The following LAMB4 variants were observed in gnomAD, a reference collection of about 807,000 sequenced individuals.
The protein encoded by LAMB4 is laminin subunit beta-4.
A neutral mutation model predicts 199.2 loss-of-function variants in LAMB4; 196 were observed. The ratio of observed to expected loss-of-function variants is 0.98; its 90% CI spans 0.88 to 1.11. LAMB4 has a LOEUF of 1.11. LAMB4 is among the 50% of genes least tolerant of loss of function. The probability of loss-of-function intolerance (pLI) is 0.00; values close to 1 mark genes in which losing one functional copy is unlikely to be tolerated. For synonymous variants in LAMB4, 744 were observed against 770.6 expected, an observed-to-expected ratio of 0.97 and a Z score of 0.57; for missense variants, 2,080 against 2,171.2, an observed-to-expected ratio of 0.96 and a Z score of 0.83.
chr7:108,126,010 G>T (rs1238101845), intron 1 of LAMB4, among the ~76,000 whole-genome samples: 2 of 152,184 alleles, frequency 1.3e-5, no homozygotes, highest in Non-Finnish European at 2.9e-5. Flanking sequence ...GTCAGAAACA[G>T]ATCCCAAATT....
chr7:108,034,750 A>G (rs901393233), intron 30 of LAMB4, among the ~76,000 whole-genome samples: 10 of 152,138 alleles, frequency 6.6e-5, no homozygotes, highest in Admixed American at 1.3e-4. Context: ...CACAGAGAGC[A>G]AAGAGAGGAC....
At chr7:108,048,669 A>C (rs10227319) in intron 27 of LAMB4, among the ~76,000 whole-genome samples, 2,106 of 152,192 alleles carry the variant, frequency 0.014, 48 homozygotes, top group African/African-American at 0.047. Flanking sequence ...TTTAGGAATT[A>C]CATGTGAGTT....
chr7:108,090,571 T>C (rs1466472963), intron 14 of LAMB4, among the ~76,000 whole-genome samples: 2 of 152,168 alleles, frequency 1.3e-5, no homozygotes, highest in East Asian at 3.8e-4. Context: ...CGTATTGGCA[T>C]ACTTGATATT....
At chr7:108,104,829 A>C (rs1452925721) in intron 8 of LAMB4, among the ~76,000 whole-genome samples, 1 of 152,188 alleles carries the variant, frequency 6.6e-6, no homozygotes, top group Non-Finnish European at 1.5e-5. Context: ...GTGAACTTCT[A>C]AAATACAATA....
At chr7:108,092,529 G>A in intron 12 of LAMB4, 113 bp from the exon 13 acceptor site, 1 of 784,074 alleles carries the variant, frequency 1.3e-6, no homozygotes, top group Non-Finnish European at 2.2e-6. Flanking sequence ...CAAACAGCCT[G>A]CACCATCTCA....
At chr7:108,058,027 T>A (rs929456550) in intron 23 of LAMB4, 99 bp from the exon 24 acceptor site, 3 of 791,988 alleles carry the variant, frequency 3.8e-6, no homozygotes, top group Non-Finnish European at 6.5e-6. Context: ...AATTAGAACA[T>A]ACAGCTGTGC....
chr7:108,098,648 G>A (rs750053407), intron 10 of LAMB4, 66 bp from the exon 11 acceptor site: 32 of 1,321,850 alleles, frequency 2.4e-5, no homozygotes, highest in Non-Finnish European at 3.1e-5. Context: ...ATATAAGCAC[G>A]GCATTTTACT....
In LAMB4 at chr7:108,103,226, C is replaced by G. The variant is rs775973690; in HGVS notation, c.998G>C (p.Ser333Thr). 8.2e-5 allele frequency: 128 copies of G among 1,554,032 alleles called. No homozygotes were observed. Among genetic ancestry groups the G allele is most frequent in the Non-Finnish European group, 1.1e-4 (123 of 1,148,008 alleles). Residue 333 changes from serine to threonine, a missense_variant, in exon 10 of 34, where the codon AGC becomes ACC. Transcript: ENST00000388781. ...ACAGCGGCTGGAGTGGCTATTACAG[C>G]TGCACGCTGAAAGGAGAAGACAGTG... ...DLQDNACRSC[S>T]CNSHSSRCHF...
chr7:108,080,409 T>C (rs1380033718), intron 14 of LAMB4, among the ~76,000 whole-genome samples: 1 of 152,158 alleles, frequency 6.6e-6, no homozygotes, highest in African/African-American at 2.4e-5. Context: ...ACTCACAGCC[T>C]CCGCTCAAAT....
chr7:108,035,159 T>C (rs2035177773), intron 30 of LAMB4, among the ~76,000 whole-genome samples: 1 of 152,192 alleles, frequency 6.6e-6, no homozygotes, highest in Non-Finnish European at 1.5e-5. Flanking sequence ...TTCATTTCTG[T>C]AACATTCCCA....
intron 20 of LAMB4, 89 bp downstream of exon 20, chr7:108,066,280 T>C: frequency 1.1e-6 from 1 of 948,810 alleles, no homozygotes; most frequent in Non-Finnish European, 1.6e-6. Context: ...CACTTAAATA[T>C]TGTTGAGTCT....
rs184330357 is a variant in LAMB4, at chr7:108,029,473, G to C, written c.4993-277C>G. The stretch of plus-strand genomic sequence containing the variant: ...GCAACTATGTCTGAGGCACCAATTG[G>C]TTGTTCTGCTCTATGTTAAGGTAGG... On this transcript the variant is annotated intron_variant, in intron 32 of 33. Transcript: ENST00000388781. 8.3e-3 allele frequency among the ~76,000 whole-genome samples: 1,266 copies of C among 152,292 alleles called. 90 individuals are homozygous for C. Among genetic ancestry groups the C allele is most frequent in the Admixed American group, 0.078 (1,195 of 15,286 alleles).
intron 33 of LAMB4, chr7:108,026,938 C>T (rs749149304): frequency 1.9e-5 from 10 of 515,220 alleles, no homozygotes; most frequent in Admixed American, 1.8e-4. Flanking sequence ...AGAGAAAAGG[C>T]AGTAGAATGC....
intron 33 of LAMB4, among the ~76,000 whole-genome samples, chr7:108,025,022 G>T (rs1315045986): frequency 1.3e-5 from 2 of 152,180 alleles, no homozygotes; most frequent in African/African-American, 4.8e-5. Flanking sequence ...TACCGAGTTG[G>T]TTTGGAGTAA....
chr7:108,104,152 A>AATGTATGACTATT (rs1448021591), intron 9 of LAMB4, among the ~76,000 whole-genome samples: 43 of 152,308 alleles, frequency 2.8e-4, no homozygotes, highest in African/African-American at 1.0e-3. Flanking sequence ...ATTCAGGATG[A>AATGTATGACTATT]CAGTGCAGAT....
At chr7:108,050,731 G>A (rs765911312) in intron 26 of LAMB4, among the ~76,000 whole-genome samples, 49 of 151,954 alleles carry the variant, frequency 3.2e-4, no homozygotes, top group Admixed American at 2.2e-3. Context: ...CACTTATCAT[G>A]AAAAAAGTGT....
At chr7:108,111,062 G>A (rs889964041) in intron 4 of LAMB4, among the ~76,000 whole-genome samples, 1 of 152,192 alleles carries the variant, frequency 6.6e-6, no homozygotes. Context: ...AAATCATCTT[G>A]TGGGGGTTAA....
At chr7:108,027,372 G>T (rs963692610) in intron 33 of LAMB4, among the ~76,000 whole-genome samples, 1 of 152,136 alleles carries the variant, frequency 6.6e-6, no homozygotes, top group African/African-American at 2.4e-5. Flanking sequence ...TTATATAAGT[G>T]CAAGAAGCAG....
rs1473105971 is a variant in LAMB4 at position 108,098,598 on chromosome 7, T to G, written c.1181-16A>C. The G allele has an allele frequency of 1.3e-6, 2 of 1,574,462 alleles. No homozygotes were observed. The highest frequency in any genetic ancestry group is 2.7e-5 in the African/African-American group (2 of 73,522). The stretch of plus-strand genomic sequence containing the variant: ...CATTCACAAGCTGGGGACACAGACA[T>G]TCATTGTTTTAGTTAATTGCAAATT... On this transcript the variant is annotated splice_polypyrimidine_tract_variant and intron_variant, in intron 10 of 33. Transcript: ENST00000388781.
Sources: gnomAD v4.1 joint callset for allele counts (sites outside exome capture counted in the v4.1 genomes callset) on GRCh38, gnomAD v4.1.1 for gene constraint, MANE v1.5 for transcripts, NCBI Gene and HGNC (gene_info 2026-07-23, HGNC 2026-07-21) for gene names.